The following NOPCHAP1 variants were observed in gnomAD, a reference collection of about 807,000 sequenced individuals.
NOPCHAP1 encodes DNA damage-sensitive RNA 1.
Under a neutral mutation model 14.0 loss-of-function variants are expected in NOPCHAP1, and 13 were observed. The ratio of observed to expected loss-of-function variants is 0.93; its 90% confidence interval spans 0.60 to 1.47. The LOEUF (loss-of-function observed/expected upper bound fraction) is 1.47, where lower values mean the gene tolerates loss of function less well. Ranked by LOEUF, NOPCHAP1 falls within the 40% of genes most tolerant of loss-of-function variation. NOPCHAP1 has a pLI of 0.00. For synonymous variants in NOPCHAP1, 78 were observed against 78.4 expected, an observed-to-expected ratio of 1.00 and a Z score of 0.03; for missense variants, 230 against 226.9, an observed-to-expected ratio of 1.01 and a Z score of -0.09.
rs1873908664 is a variant in NOPCHAP1 at position 105,014,574 on chromosome 12, T to C, written c.*19878T>C. 6.6e-6 allele frequency: 1 copy of C among 152,222 alleles called. No homozygotes were observed. The highest frequency in any genetic ancestry group is 2.1e-4 in the South Asian group (1 of 4,832). 9.4% of individuals were successfully genotyped at this position (152,222 alleles called of 1,614,324 possible). On this transcript the variant is annotated 3_prime_UTR_variant, in exon 4 of 4. Coordinates refer to ENST00000552951, the MANE Select transcript of NOPCHAP1 (RefSeq NM_152318.3). ...TCCTTTCTAGTTTGAGTTGGAAAAC[T>C]GATGCTTGTAGTGTAATCACTGTTG...
Position 105,009,802 on chromosome 12 carries a change from C to CA in NOPCHAP1, c.*15107dup, listed in dbSNP as rs565057939. ...TGTATGTTGAACCAGCCTTGCATCC[C>CA]AGGGATGAAGCTGACTTGATTGTGG... On this transcript the variant is annotated 3_prime_UTR_variant, in exon 4 of 4. Transcript: ENST00000552951. 4.2e-4 allele frequency: 64 copies of CA among 152,300 alleles called. No individual in the cohort carries two copies. The highest frequency in any genetic ancestry group is 1.5e-3 in the African/African-American group (61 of 41,564). 9.4% of individuals were successfully genotyped at this position (152,300 alleles called of 1,614,324 possible). A position where few individuals can be genotyped will look rare whatever the true frequency, so the allele number is the denominator to read the frequency against.
rs950475497 is a variant in NOPCHAP1, at chr12:105,008,077, C to G, written c.*13381C>G. On this transcript the variant is annotated 3_prime_UTR_variant, in exon 4 of 4. Coordinates refer to ENST00000552951, the MANE Select transcript of NOPCHAP1 (RefSeq NM_152318.3). ...TCTAGATCCTTGAGGAATTGCCACA[C>G]TGTCTTCCACAATGGTTGAACTAAT... 35 of 152,208 alleles carry G rather than the reference C, an allele frequency of 2.3e-4. No individual in the cohort carries two copies. The highest frequency in any genetic ancestry group is 8.0e-4 in the African/African-American group (33 of 41,442). The allele number at this position is 152,208 out of a possible 1,614,324, so 9.4% of individuals were successfully genotyped here. A position where few individuals can be genotyped will look rare whatever the true frequency, so the allele number is the denominator to read the frequency against.
In NOPCHAP1 at chr12:105,005,025, C is replaced by T. The variant is rs1269805018; in HGVS notation, c.*10329C>T. 1 of 152,152 alleles carries T rather than the reference C, an allele frequency of 6.6e-6. No individual in the cohort carries two copies. Among genetic ancestry groups the T allele is most frequent in the Non-Finnish European group, 1.5e-5 (1 of 68,044 alleles). 9.4% of individuals were successfully genotyped at this position (152,152 alleles called of 1,614,324 possible). ...GGATCATCATTAAAGACTTCATCCT[C>T]ATTGTCTTCAGGTTGAGTAGGTTGA... On this transcript the variant is annotated 3_prime_UTR_variant, in exon 4 of 4. Transcript: ENST00000552951.
intron 3 of NOPCHAP1, among the ~76,000 whole-genome samples, chr12:104,992,196 A>G (rs902098349): frequency 2.6e-5 from 4 of 152,220 alleles, no homozygotes; most frequent in African/African-American, 9.7e-5. Flanking sequence ...TTGATTACAT[A>G]AGCTATGTGC....
Position 105,008,674 on chromosome 12 carries a change from G to T in NOPCHAP1, c.*13978G>T. 6.6e-6 allele frequency: 1 copy of T among 152,150 alleles called. No homozygotes were observed. Among genetic ancestry groups the T allele is most frequent in the Non-Finnish European group, 1.5e-5 (1 of 68,020 alleles). 9.4% of individuals were successfully genotyped at this position (152,150 alleles called of 1,614,324 possible). On this transcript the variant is annotated 3_prime_UTR_variant, in exon 4 of 4. Transcript: ENST00000552951. ...TAATTTTTGTATAAGGTGTAAGAAA[G>T]GGGTCCAGTTTCAGTTTTCTGCATA...
Position 104,994,676 on chromosome 12 carries a change from G to A in NOPCHAP1, c.538G>A (p.Ala180Thr). The A allele has an allele frequency of 6.2e-7, 1 of 1,607,520 alleles. No homozygotes were observed. The highest frequency in any genetic ancestry group is 8.5e-7 in the Non-Finnish European group (1 of 1,177,800). Residue 180 changes from alanine (A) to threonine (T), a missense_variant, in exon 4 of 4, where the codon GCA (alanine) becomes ACA (threonine). Transcript: ENST00000552951. ...KGKIEVLDSP[A>T]SKKKK ...CAAGATTGAAGTTTTGGACAGTCCA[G>A]CAAGTAAAAAAAAGAAATAGTCAAA...
Position 104,994,528 on chromosome 12 carries a change from T to G in NOPCHAP1, c.390T>G (p.Ser130Arg). ...AGTCGGATTCAAAAGAAGTGGACAGTTCAGAAGAGAGTTCACAAGACAGTT... is the reference window on the plus strand; with the variant it reads ...AGTCGGATTCAAAAGAAGTGGACAGGTCAGAAGAGAGTTCACAAGACAGTT... Reference protein sequence around the residue: ...MNQSDSKEVDSSEESSQDSSE... With the variant: ...MNQSDSKEVDRSEESSQDSSE... Residue 130 changes from serine (S) to arginine (R), a missense_variant, in exon 4 of 4, where the codon AGT (serine) becomes AGG (arginine). Transcript: ENST00000552951. 6.2e-7 allele frequency: 1 copy of G among 1,613,496 alleles called. No individual in the cohort carries two copies. Among genetic ancestry groups the G allele is most frequent in the Non-Finnish European group, 8.5e-7 (1 of 1,179,696 alleles).
rs1015840441 is a variant in NOPCHAP1 at position 105,011,448 on chromosome 12, T to A, written c.*16752T>A. ...CTTTATCCAGTTTGACTGATGGATC[T>A]TGACTCTTTATCCTGTGTCTTTTAA... On this transcript the variant is annotated 3_prime_UTR_variant, in exon 4 of 4. Transcript: ENST00000552951. 6.6e-6 allele frequency: 1 copy of A among 152,156 alleles called. No individual in the cohort carries two copies. Among genetic ancestry groups the A allele is most frequent in the African/African-American group, 2.4e-5 (1 of 41,444 alleles). The allele number at this position is 152,156 out of a possible 1,614,324, so 9.4% of individuals were successfully genotyped here.
Position 105,001,701 on chromosome 12 carries a change from GAACCT to G in NOPCHAP1, c.*7006_*7010del, listed in dbSNP as rs1320521628. The G allele has an allele frequency of 6.6e-6, 1 of 152,124 alleles. No homozygotes were observed. Among genetic ancestry groups the G allele is most frequent in the East Asian group, 1.9e-4 (1 of 5,188 alleles). The allele number at this position is 152,124 out of a possible 1,614,324, so 9.4% of individuals were successfully genotyped here. A position where few individuals can be genotyped will look rare whatever the true frequency, so the allele number is the denominator to read the frequency against. On this transcript the variant is annotated 3_prime_UTR_variant, in exon 4 of 4. Transcript: ENST00000552951. ...GTCAGTTGGATGGCTTCCAGTATGGGAACCTTTTCAACTTGATTTGAAACCCTACC... is the reference window on the plus strand; with the variant it reads ...GTCAGTTGGATGGCTTCCAGTATGGGTTTCAACTTGATTTGAAACCCTACC...
At position 105,015,752 on chromosome 12, in the gene NOPCHAP1, G is replaced by A. The variant is rs1238836763; in HGVS notation, c.*21056G>A. 1 of 152,132 alleles carries A rather than the reference G, an allele frequency of 6.6e-6. No individual in the cohort carries two copies. Among genetic ancestry groups the A allele is most frequent in the East Asian group, 1.9e-4 (1 of 5,202 alleles). The allele number at this position is 152,132 out of a possible 1,614,324, so 9.4% of individuals were successfully genotyped here. A position where few individuals can be genotyped will look rare whatever the true frequency, so the allele number is the denominator to read the frequency against. On this transcript the variant is annotated 3_prime_UTR_variant, in exon 4 of 4. Coordinates refer to ENST00000552951, the MANE Select transcript of NOPCHAP1 (RefSeq NM_152318.3). Reference sequence around the variant, plus strand: ...ATCAAATGTTTCAGGCATCCTCTGGGGGGTCTTGGAATGTATCCCCCATGG... The same window carrying A: ...ATCAAATGTTTCAGGCATCCTCTGGAGGGTCTTGGAATGTATCCCCCATGG...
Position 104,994,463 on chromosome 12 carries a change from C to A in NOPCHAP1, c.340-15C>A. On this transcript the variant is annotated splice_polypyrimidine_tract_variant and intron_variant, in intron 3 of 3. Transcript: ENST00000552951. Reference sequence around the variant, plus strand: ...ACTGCTCTGAAATAGATTTCCTGTCCACTACTTTTTGCAGGATGTGGCTTT... The same window carrying A: ...ACTGCTCTGAAATAGATTTCCTGTCAACTACTTTTTGCAGGATGTGGCTTT... The A allele has an allele frequency of 6.2e-7, 1 of 1,608,298 alleles. No individual in the cohort carries two copies. Among genetic ancestry groups the A allele is most frequent in the South Asian group, 1.1e-5 (1 of 90,864 alleles).
chr12:104,986,404 C>G lies in NOPCHAP1; in HGVS notation c.52C>G (p.Arg18Gly). ...TAGCCCGAGTTGTTCGTCGCCCACC[C>G]GGGATTCCTCAGGAGTCCCAGTGTC... ...KASPSCSSPTRDSSGVPVSKE... is the reference protein window; with the variant it reads ...KASPSCSSPTGDSSGVPVSKE... The change falls in exon 1 of 4, where the codon CGG becomes GGG. Residue 18 changes from arginine to glycine, a missense_variant. Coordinates refer to ENST00000552951, the MANE Select transcript of NOPCHAP1 (RefSeq NM_152318.3). The G allele has an allele frequency of 6.2e-7, 1 of 1,611,814 alleles. No individual in the cohort carries two copies. The highest frequency in any genetic ancestry group is 8.5e-7 in the Non-Finnish European group (1 of 1,179,164).
chr12:105,003,912 G>T lies in NOPCHAP1; in HGVS notation c.*9216G>T, dbSNP rs1873659458. The T allele has an allele frequency of 6.6e-6, 1 of 152,110 alleles. No individual in the cohort carries two copies. The highest frequency in any genetic ancestry group is 2.1e-4 in the South Asian group (1 of 4,820). 9.4% of individuals were successfully genotyped at this position (152,110 alleles called of 1,614,324 possible). A position where few individuals can be genotyped will look rare whatever the true frequency, so the allele number is the denominator to read the frequency against. ...GGCTGAAGCTCACCTGTTTCTGTCT[G>T]GCTTAAACCTAGCTATTCGTTACAA... On this transcript the variant is annotated 3_prime_UTR_variant, in exon 4 of 4. Transcript: ENST00000552951.
At position 105,001,780 on chromosome 12, in the gene NOPCHAP1, A is replaced by G. The variant is rs1873615599; in HGVS notation, c.*7084A>G. The G allele has an allele frequency of 6.6e-6, 1 of 152,322 alleles. No homozygotes were observed. The highest frequency in any genetic ancestry group is 6.5e-5 in the Admixed American group (1 of 15,296). 9.4% of individuals were successfully genotyped at this position (152,322 alleles called of 1,614,324 possible). A position where few individuals can be genotyped will look rare whatever the true frequency, so the allele number is the denominator to read the frequency against. ...TAAACATTTTTACTCTGAGGGATGT[A>G]TTAGCTTATTAAGGTAGAGTTTATA... On this transcript the variant is annotated 3_prime_UTR_variant, in exon 4 of 4. Coordinates refer to ENST00000552951, the MANE Select transcript of NOPCHAP1 (RefSeq NM_152318.3).
rs1423239763 is a variant in NOPCHAP1, at chr12:105,011,314, G to A, written c.*16618G>A. On this transcript the variant is annotated 3_prime_UTR_variant, in exon 4 of 4. Coordinates refer to ENST00000552951, the MANE Select transcript of NOPCHAP1 (RefSeq NM_152318.3). ...GGATTGCAACCCCTGCTTTTTTTTT[G>A]CTTTCCATTTGCTTGGTAAATATTC... 1 of 150,090 alleles carries A rather than the reference G, an allele frequency of 6.7e-6. No individual in the cohort carries two copies. The highest frequency in any genetic ancestry group is 2.4e-5 in the African/African-American group (1 of 40,834). The allele number at this position is 150,090 out of a possible 1,614,324, so 9.3% of individuals were successfully genotyped here.
In NOPCHAP1 at chr12:105,000,211, A is replaced by G. The variant is rs939760710; in HGVS notation, c.*5515A>G. 1 of 152,172 alleles carries G rather than the reference A, an allele frequency of 6.6e-6. No homozygotes were observed. Among genetic ancestry groups the G allele is most frequent in the Non-Finnish European group, 1.5e-5 (1 of 68,032 alleles). The allele number at this position is 152,172 out of a possible 1,614,324, so 9.4% of individuals were successfully genotyped here. ...GGCATCACTTGGTTTGATGTTCTAT[A>G]TTTGATAGTGGTTAGGTTATTAATT... On this transcript the variant is annotated 3_prime_UTR_variant, in exon 4 of 4. Transcript: ENST00000552951.
At chr12:104,992,955 C>T (rs1438540238) in intron 3 of NOPCHAP1, among the ~76,000 whole-genome samples, 1 of 152,154 alleles carries the variant, frequency 6.6e-6, no homozygotes, top group Non-Finnish European at 1.5e-5. Context: ...CCTACACAGT[C>T]CTCATTTACT....
chr12:105,007,335 A>C lies in NOPCHAP1; in HGVS notation c.*12639A>C, dbSNP rs1873727668. On this transcript the variant is annotated 3_prime_UTR_variant, in exon 4 of 4. Transcript: ENST00000552951. Reference sequence around the variant, plus strand: ...TAACAATGGTCCTGATGCTGGATTCATTTATCTTGAAATGGTGGGCAACTA... The same window carrying C: ...TAACAATGGTCCTGATGCTGGATTCCTTTATCTTGAAATGGTGGGCAACTA... 1 of 152,160 alleles carries C rather than the reference A, an allele frequency of 6.6e-6. No homozygotes were observed. The highest frequency in any genetic ancestry group is 2.4e-5 in the African/African-American group (1 of 41,430). 9.4% of individuals were successfully genotyped at this position (152,160 alleles called of 1,614,324 possible). A position where few individuals can be genotyped will look rare whatever the true frequency, so the allele number is the denominator to read the frequency against.
In NOPCHAP1 at chr12:105,009,130, C is replaced by G. The variant is rs1272615719; in HGVS notation, c.*14434C>G. 3 of 152,130 alleles carry G rather than the reference C, an allele frequency of 2.0e-5. No homozygotes were observed. The highest frequency in any genetic ancestry group is 1.3e-4 in the Admixed American group (2 of 15,276). The allele number at this position is 152,130 out of a possible 1,614,324, so 9.4% of individuals were successfully genotyped here. Reference sequence around the variant, plus strand: ...CTATCCATGAGCATGGAATGTTTTTCCATTTGTTTGTGTCCTCTCTGATTT... The same window carrying G: ...CTATCCATGAGCATGGAATGTTTTTGCATTTGTTTGTGTCCTCTCTGATTT... On this transcript the variant is annotated 3_prime_UTR_variant, in exon 4 of 4. Coordinates refer to ENST00000552951, the MANE Select transcript of NOPCHAP1 (RefSeq NM_152318.3).
Sources: allele counts gnomAD v4.1 joint callset (sites outside exome capture counted in the v4.1 genomes callset), GRCh38; gene constraint gnomAD v4.1.1; transcripts MANE v1.5; gene names NCBI Gene and HGNC (gene_info 2026-07-23, HGNC 2026-07-21).